SLFN12: variants seen among roughly 807,000 people sequenced by gnomAD.
SLFN12 encodes schlafen family member 12.
A neutral mutation model predicts 29.1 loss-of-function variants in SLFN12; 25 were observed. That is an observed-to-expected ratio of 0.86 (90% CI 0.63 to 1.20). The LOEUF (loss-of-function observed/expected upper bound fraction) is 1.20. SLFN12 is among the 50% of genes most tolerant of loss of function. The pLI is 0.00. For synonymous variants in SLFN12, 257 were observed against 238.7 expected (o/e 1.08, Z -0.71); for missense variants, 660 against 666.2 (o/e 0.99, Z 0.10).
intron 3 of SLFN12, among the ~76,000 whole-genome samples, chr17:35,418,561 A>G (rs1287199110): frequency 6.8e-6 from 1 of 147,444 alleles, no homozygotes; most frequent in Admixed American, 6.6e-5. Flanking sequence ...GTAAGAATAT[A>G]GTATATGATA....
At chr17:35,423,726 C>T (rs1305906359) in intron 1 of SLFN12, among the ~76,000 whole-genome samples, 1 of 152,020 alleles carries the variant, frequency 6.6e-6, no homozygotes, top group Non-Finnish European at 1.5e-5. Context: ...TGTTTGTGTT[C>T]CCCCAAAATT....
At chr17:35,419,555 C>T (rs722375) in intron 3 of SLFN12, among the ~76,000 whole-genome samples, 14,198 of 152,046 alleles carry the variant, frequency 0.093, 2,090 homozygotes, top group African/African-American at 0.31. Flanking sequence ...AAATGCACAT[C>T]ACAAAGACAT....
At chr17:35,426,356 C>A (rs1184649690) in intron 1 of SLFN12, among the ~76,000 whole-genome samples, 4 of 152,140 alleles carry the variant, frequency 2.6e-5, no homozygotes, top group Non-Finnish European at 5.9e-5. Context: ...GGATGACATC[C>A]AAAACATCAC....
intron 3 of SLFN12, among the ~76,000 whole-genome samples, chr17:35,415,242 A>C (rs1008982605): frequency 1.3e-5 from 2 of 152,042 alleles, no homozygotes; most frequent in African/African-American, 4.8e-5. Context: ...CTTCAACAAA[A>C]CAAGCAAAAA....
chr17:35,421,520 CAAG>C (rs1911645663), intron 2 of SLFN12, among the ~76,000 whole-genome samples: 1 of 144,690 alleles, frequency 6.9e-6, no homozygotes, highest in Non-Finnish European at 1.5e-5. Flanking sequence ...TAGAAGAAAA[CAAG>C]AGGCAGGGAA....
chr17:35,432,582 T>A (rs1183483912), upstream of SLFN12: 1 of 152,088 alleles, frequency 6.6e-6, no homozygotes, highest in Non-Finnish European at 1.5e-5. Flanking sequence ...AAAGTTACAT[T>A]CCTATGCACA....
At chr17:35,413,114 C>T (rs963837526) in intron 3 of SLFN12, among the ~76,000 whole-genome samples, 2 of 149,684 alleles carry the variant, frequency 1.3e-5, no homozygotes, top group South Asian at 2.1e-4. Flanking sequence ...ATATCCGAAA[C>T]TGTCAAAAGG....
chr17:35,429,227 G>C (rs1197462042), intron 1 of SLFN12, among the ~76,000 whole-genome samples: 1 of 151,980 alleles, frequency 6.6e-6, no homozygotes, highest in Non-Finnish European at 1.5e-5. Context: ...ATTAAGGAGG[G>C]TGCTCATACC....
At chr17:35,413,828 CAT>C (rs934299804) in intron 3 of SLFN12, among the ~76,000 whole-genome samples, 4 of 150,228 alleles carry the variant, frequency 2.7e-5, no homozygotes, top group African/African-American at 4.9e-5. Flanking sequence ...CATAGTATAA[CAT>C]GTGAAAATCA....
At position 35,411,746 on chromosome 17, in the gene SLFN12, A is replaced by G. The variant is rs778534072; in HGVS notation, c.1329T>C (p.Asp443=). Residue 443 remains aspartate (D), a synonymous_variant, in exon 4 of 4, where the codon GAT becomes GAC. Transcript: ENST00000304905. ...GACTGTCCTGGGAAATCAGAAGAGC[A>G]TCACAGAGGACTTTGTGGTTCTCTT... ...GLQENHKVLC[D]ALLISQDSPP... is the part of the protein sequence containing the mutation. The G allele has an allele frequency of 1.9e-6, 3 of 1,614,094 alleles. No individual in the cohort carries two copies. The highest frequency in any genetic ancestry group is 8.5e-7 in the Non-Finnish European group (1 of 1,180,010).
chr17:35,420,131 AT>A, intron 3 of SLFN12, 142 bp downstream of exon 3: 1 of 615,900 alleles, frequency 1.6e-6, no homozygotes, highest in Non-Finnish European at 2.9e-6. Flanking sequence ...GATTTGACAG[AT>A]TCAATGACTT....
chr17:35,416,054 C>T (rs563402751), intron 3 of SLFN12, among the ~76,000 whole-genome samples: 1 of 152,074 alleles, frequency 6.6e-6, no homozygotes, highest in Non-Finnish European at 1.5e-5. Context: ...GATGTTTGCA[C>T]ACACATTTAT....
At chr17:35,418,773 G>T (rs767873998) in intron 3 of SLFN12, among the ~76,000 whole-genome samples, 13 of 152,108 alleles carry the variant, frequency 8.5e-5, no homozygotes, top group Non-Finnish European at 1.9e-4. Context: ...CAGTATTGCG[G>T]CTGGGAAAGT....
Position 35,422,514 on chromosome 17 carries a change from T to G in SLFN12, c.515A>C (p.Gln172Pro), listed in dbSNP as rs945654316. The G allele has an allele frequency of 6.2e-7, 1 of 1,613,750 alleles. No homozygotes were observed. Among genetic ancestry groups the G allele is most frequent in the South Asian group, 1.1e-5 (1 of 91,006 alleles). The change falls in exon 2 of 4, where the codon CAA becomes CCA. Residue 172 changes from glutamine (Q) to proline (P), a missense_variant. Transcript: ENST00000304905. The stretch of plus-strand genomic sequence containing the variant: ...CAAGGCCTTCATGTTATTTTCTTCT[T>G]GTATATCAACACAGGGCCTCTTTGC... ...LLAKRPCVDI[Q>P]EENNMKALAG...
chr17:35,419,689 C>T (rs1296303191), intron 3 of SLFN12, among the ~76,000 whole-genome samples: 5 of 152,018 alleles, frequency 3.3e-5, no homozygotes, highest in African/African-American at 1.2e-4. Context: ...AGTAACATGA[C>T]CTATCTACTT....
intron 3 of SLFN12, among the ~76,000 whole-genome samples, chr17:35,413,230 C>A (rs933669237): frequency 2.0e-4 from 31 of 151,966 alleles, no homozygotes; most frequent in African/African-American, 7.0e-4. Flanking sequence ...TTAAAGATAT[C>A]ACTCACAAAT....
chr17:35,414,037 G>A (rs1470998153), intron 3 of SLFN12, among the ~76,000 whole-genome samples: 2 of 152,020 alleles, frequency 1.3e-5, no homozygotes, highest in African/African-American at 4.8e-5. Context: ...CATGCTCAAT[G>A]GTGAAACATT....
At chr17:35,426,551 T>C (rs1424737209) in intron 1 of SLFN12, among the ~76,000 whole-genome samples, 1 of 152,164 alleles carries the variant, frequency 6.6e-6, no homozygotes, top group Non-Finnish European at 1.5e-5. Flanking sequence ...TTGTCTAATA[T>C]GTCTGATGTC....
Position 35,422,873 on chromosome 17 carries a change from G to C in SLFN12, c.156C>G (p.Leu52=). The change falls in exon 2 of 4, where the codon CTC becomes CTG. Residue 52 remains leucine (L), a synonymous_variant. Coordinates refer to ENST00000304905, the MANE Select transcript of SLFN12 (RefSeq NM_018042.5). ...CCTTGATCACTCCCCCTCCAGAATT[G>C]AGCAGAGCACACATAGCTCGTGAGA... ...ESVSRAMCAL[L]NSGGGVIKAE... is the part of the protein sequence containing the mutation. 6.2e-7 allele frequency: 1 copy of C among 1,613,942 alleles called. No homozygotes were observed. The highest frequency in any genetic ancestry group is 8.5e-7 in the Non-Finnish European group (1 of 1,179,964).
Sources: gnomAD v4.1 joint callset for allele counts (sites outside exome capture counted in the v4.1 genomes callset) on GRCh38, gnomAD v4.1.1 for gene constraint, MANE v1.5 for transcripts, NCBI Gene and HGNC (gene_info 2026-07-23, HGNC 2026-07-21) for gene names.